DNER: variants seen among roughly 807,000 people sequenced by gnomAD.
DNER encodes the protein delta and Notch-like epidermal growth factor-related receptor.
DNER carries 33 observed loss-of-function variants against 78.2 expected under a neutral mutation model. The ratio of observed to expected loss-of-function variants is 0.42; its 90% confidence interval spans 0.32 to 0.56. The LOEUF is 0.56. Among genes scored for constraint, DNER ranks in the 20% least tolerant of loss-of-function variants. The pLI, the probability that DNER is intolerant of heterozygous loss-of-function variation, is 0.11. For missense variants in DNER, 918 were observed against 975.3 expected (o/e 0.94, Z 0.78); for synonymous variants, 417 against 384.8 (o/e 1.08, Z -0.98).
In DNER at chr2:229,588,460, G is replaced by T; in HGVS notation, c.614C>A (p.Ala205Asp). ...EVIPDIACGN[A>D]SSNSSAGGRL... The stretch of plus-strand genomic sequence containing the variant: ...GCCACCCGCAGAGCTGTTAGAACTG[G>T]CATTCCCACAGGCAATATCTGGGAT... The change falls in exon 3 of 13, where the codon GCC becomes GAC. Residue 205 changes from alanine (A) to aspartate (D), a missense_variant. Physicochemically the swap from Ala to Asp is moderately radical, Grantham distance 126 (BLOSUM62 -2). Transcript: ENST00000341772. 6.2e-7 allele frequency: 1 copy of T among 1,601,360 alleles called. No homozygotes were observed. The highest frequency in any genetic ancestry group is 8.5e-7 in the Non-Finnish European group (1 of 1,173,150).
chr2:229,388,317 A>T lies in DNER; in HGVS notation c.1803T>A (p.Asn601Lys). ...HHGGSCLDQP[N>K]GYNCHCPHGW... ...CATGCGGGCAGTGGCAGTTATAACC[A>T]TTGGGCTGGTCCAGGCAGCTCCCAC... The change falls in exon 11 of 13, where the codon AAT (asparagine) becomes AAA (lysine). Residue 601 changes from asparagine (N) to lysine (K), a missense_variant. Physicochemically the swap from Asn to Lys is moderately conservative, Grantham distance 94. Transcript: ENST00000341772. 2 of 1,611,690 alleles carry T rather than the reference A, an allele frequency of 1.2e-6. No individual in the cohort carries two copies. Among genetic ancestry groups the T allele is most frequent in the Non-Finnish European group, 1.7e-6 (2 of 1,178,744 alleles).
intron 11 of DNER, among the ~76,000 whole-genome samples, chr2:229,375,585 T>C (rs1692579504): frequency 6.6e-6 from 1 of 152,158 alleles, no homozygotes; most frequent in Non-Finnish European, 1.5e-5. Context: ...CCCACCACCA[T>C]TGCTTCCAAG....
At chr2:229,470,439 A>C in intron 7 of DNER, among the ~76,000 whole-genome samples, 1 of 152,210 alleles carries the variant, frequency 6.6e-6, no homozygotes, top group South Asian at 2.1e-4. Context: ...CAGGCAACTA[A>C]AATTCCTTGC....
intron 8 of DNER, among the ~76,000 whole-genome samples, chr2:229,430,788 A>G (rs774847067): frequency 6.6e-6 from 1 of 151,666 alleles, no homozygotes; most frequent in Non-Finnish European, 1.5e-5. Flanking sequence ...CACAACTCTA[A>G]ATTATGTCAC....
intron 1 of DNER, among the ~76,000 whole-genome samples, chr2:229,625,325 C>G (rs1245829223): frequency 6.6e-6 from 1 of 152,046 alleles, no homozygotes; most frequent in Non-Finnish European, 1.5e-5. Context: ...CCATCTAATC[C>G]CACACTTTCC....
At chr2:229,482,572 A>G (rs999623985) in intron 6 of DNER, among the ~76,000 whole-genome samples, 2 of 152,162 alleles carry the variant, frequency 1.3e-5, no homozygotes, top group Non-Finnish European at 2.9e-5. Context: ...GCTTCTGCTC[A>G]TAGGCATCAG....
intron 6 of DNER, among the ~76,000 whole-genome samples, chr2:229,503,820 C>A (rs1695677262): frequency 6.6e-6 from 1 of 152,246 alleles, no homozygotes; most frequent in South Asian, 2.1e-4. Context: ...CAGCTCACTG[C>A]AACCTCTGCC....
chr2:229,622,797 A>G (rs911781024), intron 1 of DNER, among the ~76,000 whole-genome samples: 1 of 152,196 alleles, frequency 6.6e-6, no homozygotes, highest in Admixed American at 6.5e-5. Context: ...CCATGAGCCA[A>G]AGAATGCCAA....
chr2:229,431,175 C>G (rs73100297), intron 8 of DNER, among the ~76,000 whole-genome samples: 1 of 152,062 alleles, frequency 6.6e-6, no homozygotes, highest in East Asian at 1.9e-4. Context: ...CAGTAAAAAC[C>G]AAACGACCAC....
intron 8 of DNER, among the ~76,000 whole-genome samples, chr2:229,445,772 TC>T (rs1203310200): frequency 3.9e-5 from 6 of 152,120 alleles, no homozygotes; most frequent in African/African-American, 9.7e-5. Flanking sequence ...TAAATCTCTC[TC>T]TCTCTCCTCG....
Position 229,591,570 on chromosome 2 carries a change from A to G in DNER, c.585+10T>C. ...CTAATGTAAAAATGCACATGATATA[A>G]CGTTCTCACCTCCACTTGATCCCAT... On this transcript the variant is annotated intron_variant, in intron 2 of 12. Coordinates refer to ENST00000341772, the MANE Select transcript of DNER (RefSeq NM_139072.4). The surrounding 1 kb of genome is among the most constrained non-coding windows in gnomAD (Gnocchi z 4.6). 1 of 1,610,738 alleles carries G rather than the reference A, an allele frequency of 6.2e-7. No homozygotes were observed. Among genetic ancestry groups the G allele is most frequent in the Non-Finnish European group, 8.5e-7 (1 of 1,178,052 alleles).
chr2:229,545,951 G>A (rs11891640), intron 5 of DNER, among the ~76,000 whole-genome samples: 2,966 of 152,268 alleles, frequency 0.019, 109 homozygotes, highest in African/African-American at 0.067. Context: ...TCCCCAAAAC[G>A]GGTAAGTGAA....
intron 1 of DNER, among the ~76,000 whole-genome samples, chr2:229,605,981 C>T (rs1697927894): frequency 6.6e-6 from 1 of 152,088 alleles, no homozygotes; most frequent in African/African-American, 2.4e-5. Context: ...AAAATTTCAC[C>T]ATTCAAGATT....
chr2:229,699,462 T>C (rs906557939), intron 1 of DNER, among the ~76,000 whole-genome samples: 1 of 152,098 alleles, frequency 6.6e-6, no homozygotes, highest in African/African-American at 2.4e-5. Flanking sequence ...TCCTCCTGGG[T>C]TCAAGCGATT....
At chr2:229,610,932 T>A (rs865920557) in intron 1 of DNER, among the ~76,000 whole-genome samples, 1 of 152,240 alleles carries the variant, frequency 6.6e-6, no homozygotes, top group Non-Finnish European at 1.5e-5. Context: ...AAACACAGGA[T>A]CTACAACTTC....
intron 1 of DNER, among the ~76,000 whole-genome samples, chr2:229,592,339 C>T (rs1046354632): frequency 3.9e-5 from 6 of 152,176 alleles, no homozygotes; most frequent in African/African-American, 1.4e-4. Flanking sequence ...CATTTATCTG[C>T]CCTGCAGATG....
chr2:229,457,638 A>C (rs1694604796), intron 7 of DNER, among the ~76,000 whole-genome samples: 1 of 151,804 alleles, frequency 6.6e-6, no homozygotes, highest in Non-Finnish European at 1.5e-5. Flanking sequence ...GCAGGAATAG[A>C]ATAAAACAAA....
chr2:229,504,050 T>C (rs572830515), intron 6 of DNER, among the ~76,000 whole-genome samples: 15 of 152,046 alleles, frequency 9.9e-5, no homozygotes, highest in Non-Finnish European at 1.9e-4. Flanking sequence ...AGCTGAGTTG[T>C]GTATTCTTTT....
chr2:229,679,947 G>A (rs1699358851), intron 1 of DNER, among the ~76,000 whole-genome samples: 1 of 152,174 alleles, frequency 6.6e-6, no homozygotes, highest in Admixed American at 6.5e-5. Context: ...TGGTGTGTAA[G>A]TGCATATAAT....
Sources: allele counts gnomAD v4.1 joint callset (sites outside exome capture counted in the v4.1 genomes callset), GRCh38; gene constraint gnomAD v4.1.1; non-coding constraint Gnocchi (gnomAD v3.1); transcripts MANE v1.5; gene names NCBI Gene and HGNC (gene_info 2026-07-23, HGNC 2026-07-21).